TBXAS1: variants seen among roughly 807,000 people sequenced by gnomAD.
TBXAS1 encodes thromboxane A synthase 1.
In TBXAS1, 48 loss-of-function variants were observed where a neutral mutation model predicts 60.7. That is an observed-to-expected ratio of 0.79 (90% CI 0.63 to 1.01). The LOEUF (loss-of-function observed/expected upper bound fraction) is 1.01, where lower values mean the gene tolerates loss of function less well. Among genes scored for constraint, TBXAS1 ranks in the 50% least tolerant of loss-of-function variants. The probability of loss-of-function intolerance (pLI) is 0.00; values close to 1 mark genes in which losing one functional copy is unlikely to be tolerated. For synonymous variants in TBXAS1, 287 were observed against 269.7 expected, an observed-to-expected ratio of 1.06 and a Z score of -0.63; for missense variants, 685 against 686.3, an observed-to-expected ratio of 1.00 and a Z score of 0.02.
In TBXAS1 at chr7:139,829,519, C is replaced by T. The variant is rs115736138; in HGVS notation, c.89+40C>T. The T allele has an allele frequency of 1.6e-3, 2,462 of 1,585,782 alleles. 37 individuals are homozygous for T. In the African/African-American group the frequency reaches 0.029, roughly 19 times the overall value. On this transcript the variant is annotated intron_variant, in intron 1 of 12. Transcript: ENST00000448866. ...CCCTAGGGACTGTGACAGCGTCAGC[C>T]GTCTCACCCTGGAGCCTTGCTGGTG...
intron 2 of TBXAS1, among the ~76,000 whole-genome samples, chr7:139,872,845 A>T (rs1042027299): frequency 2.0e-5 from 3 of 152,072 alleles, no homozygotes; most frequent in Non-Finnish European, 4.4e-5. Flanking sequence ...ATCACTATCA[A>T]TATGTATTGA....
chr7:139,912,213 A>G (rs1174153712), intron 4 of TBXAS1, among the ~76,000 whole-genome samples: 2 of 152,170 alleles, frequency 1.3e-5, no homozygotes, highest in African/African-American at 4.8e-5. Context: ...GCGCCACTGC[A>G]CTCCAGCCTG....
At chr7:139,849,460 C>T (rs1315171164) in intron 1 of TBXAS1, among the ~76,000 whole-genome samples, 2 of 152,098 alleles carry the variant, frequency 1.3e-5, no homozygotes, top group Non-Finnish European at 2.9e-5. Context: ...AATTTTCCCA[C>T]TGAGACACTG....
chr7:139,919,685 T>G (rs768017143), intron 4 of TBXAS1, among the ~76,000 whole-genome samples: 6 of 152,208 alleles, frequency 3.9e-5, no homozygotes, highest in African/African-American at 7.2e-5. Flanking sequence ...GGTTCTTGTG[T>G]GGCTTTACCA....
chr7:139,973,555 CT>C (rs8192843), intron 9 of TBXAS1, among the ~76,000 whole-genome samples: 35,296 of 137,380 alleles, frequency 0.26, 4,376 homozygotes, highest in East Asian at 0.48. Context: ...GGTGAGCTTT[CT>C]TTTTTTTTTT....
chr7:139,884,761 G>A (rs1802951296), intron 3 of TBXAS1, among the ~76,000 whole-genome samples: 1 of 152,224 alleles, frequency 6.6e-6, no homozygotes, highest in African/African-American at 2.4e-5. Context: ...GGCCCCACTA[G>A]TGGGTGGTTC....
chr7:139,980,585 A>G (rs1811890487), intron 9 of TBXAS1, among the ~76,000 whole-genome samples: 1 of 151,818 alleles, frequency 6.6e-6, no homozygotes, highest in South Asian at 2.1e-4. Flanking sequence ...GGAGTCGGCA[A>G]CCTTAAGGAG....
In TBXAS1 at chr7:139,962,064, T is replaced by A. The variant is rs774212687; in HGVS notation, c.965T>A (p.Met322Lys). 22 of 1,614,232 alleles carry A rather than the reference T, an allele frequency of 1.4e-5. No homozygotes were observed. Among genetic ancestry groups the A allele is most frequent in the Admixed American group, 1.3e-4 (8 of 60,032 alleles). Residue 322 changes from methionine (M) to lysine (K), a missense_variant, in exon 9 of 13, where the codon ATG becomes AAG. Coordinates refer to ENST00000448866, the MANE Select transcript of TBXAS1 (RefSeq NM_001061.7). ...NPSRQHQPSP[M>K]ARPLTVDEIV... ...TCCCGGCAACACCAGCCCAGCCCTA[T>A]GGCCAGGCCTTTGACTGTGGATGAG... is the stretch of plus-strand genomic sequence containing the variant.
At chr7:139,782,565 G>A (rs1000854452) in intron 2 of TBXAS1, 1 of 152,078 alleles carries the variant, frequency 6.6e-6, no homozygotes, top group African/African-American at 2.4e-5. Context: ...ATGCATTTAG[G>A]TGTGTATGTC....
chr7:139,851,916 A>G (rs1184064640), intron 1 of TBXAS1, among the ~76,000 whole-genome samples: 2 of 152,158 alleles, frequency 1.3e-5, no homozygotes, highest in East Asian at 3.8e-4. Context: ...AGCAGAGGTG[A>G]TGGTGTTATC....
At chr7:139,786,293 C>T (rs933570102) in intron 3 of TBXAS1, among the ~76,000 whole-genome samples, 2 of 151,826 alleles carry the variant, frequency 1.3e-5, no homozygotes, top group Non-Finnish European at 2.9e-5. Flanking sequence ...CTATACAAGG[C>T]AACAAAACAC....
chr7:139,952,967 ATAGACTTGGG>A (rs1174714968), intron 5 of TBXAS1, among the ~76,000 whole-genome samples: 3 of 152,246 alleles, frequency 2.0e-5, no homozygotes. Flanking sequence ...ATACACAAGC[ATAGACTTGGG>A]TTAATTCCAG....
At chr7:139,883,555 G>A (rs909723674) in intron 3 of TBXAS1, among the ~76,000 whole-genome samples, 3 of 152,136 alleles carry the variant, frequency 2.0e-5, no homozygotes, top group African/African-American at 7.2e-5. Context: ...TCTTCTTTGG[G>A]TAGAAGCATC....
At chr7:139,822,509 G>C (rs1375652939) in intron 4 of TBXAS1, among the ~76,000 whole-genome samples, 2 of 152,108 alleles carry the variant, frequency 1.3e-5, no homozygotes, top group Admixed American at 1.3e-4. Flanking sequence ...GACCTCTACA[G>C]ATCTGGCCAT....
chr7:139,821,401 TAAC>T (rs1798291806), intron 4 of TBXAS1, among the ~76,000 whole-genome samples: 1 of 152,192 alleles, frequency 6.6e-6, no homozygotes, highest in Non-Finnish European at 1.5e-5. Flanking sequence ...CCTGTGATGT[TAAC>T]AAAAGCCAAG....
At chr7:139,833,696 A>T (rs1329898130) in intron 1 of TBXAS1, among the ~76,000 whole-genome samples, 2 of 152,020 alleles carry the variant, frequency 1.3e-5, no homozygotes, top group African/African-American at 4.8e-5. Context: ...AAAAAATAAA[A>T]AAAAGAGAGA....
At chr7:139,894,044 G>T (rs117326991) in intron 3 of TBXAS1, among the ~76,000 whole-genome samples, 2,026 of 152,282 alleles carry the variant, frequency 0.013, 39 homozygotes, top group Non-Finnish European at 0.016. Flanking sequence ...GGCCAGGGGG[G>T]AGGCTATCTT....
intron 4 of TBXAS1, among the ~76,000 whole-genome samples, chr7:139,788,884 T>C (rs1045878568): frequency 6.6e-5 from 10 of 152,244 alleles, no homozygotes; most frequent in African/African-American, 2.4e-4. Flanking sequence ...CAGAAGTATT[T>C]ACATCTATTT....
At chr7:139,847,295 C>A (rs77088845) in intron 1 of TBXAS1, among the ~76,000 whole-genome samples, 7 of 152,070 alleles carry the variant, frequency 4.6e-5, no homozygotes, top group Non-Finnish European at 1.0e-4. Context: ...TTGACATTTG[C>A]CTTGCCCTTG....
Sources: allele counts gnomAD v4.1 joint callset (sites outside exome capture counted in the v4.1 genomes callset), GRCh38; gene constraint gnomAD v4.1.1; transcripts MANE v1.5; gene names NCBI Gene and HGNC (gene_info 2026-07-23, HGNC 2026-07-21).